The following KIF13A variants were observed in gnomAD, a reference collection of about 807,000 sequenced individuals.
KIF13A encodes the protein kinesin family member 13A.
Under a neutral mutation model 212.2 loss-of-function variants are expected in KIF13A, and 79 were observed. The observed-to-expected ratio is 0.37, with a 90% CI of 0.31 to 0.45. The LOEUF (loss-of-function observed/expected upper bound fraction) is 0.45. KIF13A is among the 20% of genes least tolerant of loss of function. The probability of loss-of-function intolerance (pLI) is 1.00; values close to 1 mark genes in which losing one functional copy is unlikely to be tolerated. For synonymous variants in KIF13A, 789 were observed against 808.6 expected (o/e 0.98, Z 0.41); for missense variants, 1,901 against 2,209.0 (o/e 0.86, Z 2.79).
In KIF13A at chr6:17,787,793, T is replaced by C. The variant is rs2150315577; in HGVS notation, c.3344A>G (p.Lys1115Arg). The C allele has an allele frequency of 6.2e-7, 1 of 1,610,748 alleles. No individual in the cohort carries two copies. Among genetic ancestry groups the C allele is most frequent in the Middle Eastern group, 1.7e-4 (1 of 6,052 alleles). Residue 1115 changes from lysine (K) to arginine (R), a missense_variant, in exon 27 of 39, where the codon AAA becomes AGA. Transcript: ENST00000259711. This position sits in a 1 kb window ranked among gnomAD's most constrained non-coding sequence, Gnocchi z 4.6. ...RREYLDEQIK[K>R]VSNKTEKTED... ...TCACATACCTGTTTTATTGCTGACTTTTTTTATCTGTTCATCCAGGTATTC... is the reference window on the plus strand; with the variant it reads ...TCACATACCTGTTTTATTGCTGACTCTTTTTATCTGTTCATCCAGGTATTC...
chr6:17,781,967 CG>C (rs1459475547), intron 29 of KIF13A, among the ~76,000 whole-genome samples: 2 of 151,958 alleles, frequency 1.3e-5, no homozygotes, highest in East Asian at 3.9e-4. Context: ...GATGGAGTCC[CG>C]CTCTGTAGCC....
At chr6:17,903,386 G>T (rs1773217714) in intron 2 of KIF13A, among the ~76,000 whole-genome samples, 1 of 152,110 alleles carries the variant, frequency 6.6e-6, no homozygotes, top group African/African-American at 2.4e-5. Flanking sequence ...AAACAAAAAG[G>T]TATTTTAAAG....
intron 20 of KIF13A, among the ~76,000 whole-genome samples, chr6:17,802,471 G>A (rs1386167434): frequency 6.6e-6 from 1 of 151,950 alleles, no homozygotes; most frequent in African/African-American, 2.4e-5. Flanking sequence ...TGTATTTTTA[G>A]TAGAGATGGG....
intron 2 of KIF13A, among the ~76,000 whole-genome samples, chr6:17,917,366 G>A (rs890469757): frequency 1.7e-4 from 25 of 149,526 alleles, no homozygotes; most frequent in South Asian, 8.5e-4. Flanking sequence ...TCAACCTCCC[G>A]AGAAGCTGGG....
In KIF13A at chr6:17,883,650, G is replaced by A. The variant is rs1347097123; in HGVS notation, c.160-10213C>T. On this transcript the variant is annotated intron_variant, in intron 3 of 38. Coordinates refer to ENST00000259711, the MANE Select transcript of KIF13A (RefSeq NM_022113.6). The surrounding 1 kb of genome is among the most constrained non-coding windows in gnomAD (Gnocchi z 4.8). ...ACATAAGAAATGACCCTATTCATCT[G>A]TATATTACGTCAATGGTCAGCCAAC... is the stretch of plus-strand genomic sequence containing the variant. Among the ~76,000 whole-genome samples the A allele has an allele frequency of 6.6e-6, 1 of 152,202 alleles. No homozygotes were observed. The highest frequency in any genetic ancestry group is 1.9e-4 in the East Asian group (1 of 5,184).
chr6:17,785,582 T>C lies in KIF13A; in HGVS notation c.3421A>G (p.Thr1141Ala). 6.2e-7 allele frequency: 1 copy of C among 1,604,670 alleles called. No homozygotes were observed. The highest frequency in any genetic ancestry group is 8.5e-7 in the Non-Finnish European group (1 of 1,176,086). The stretch of plus-strand genomic sequence containing the variant: ...ACCAGCACAGCATTCCTTTCCTCAG[T>C]CAGCCCTACCCACTGCTCCACAAGC... Reference protein sequence around the residue: ...AQLVEQWVGLTEERNAVLVPA... With the variant: ...AQLVEQWVGLAEERNAVLVPA... The change falls in exon 28 of 39, where the codon ACT becomes GCT. Residue 1141 changes from threonine (T) to alanine (A), a missense_variant. Physicochemically the swap from Thr to Ala is moderately conservative, Grantham distance 58. Around this residue, in one of 5 missense-constraint regions of KIF13A, gnomAD observed 168 missense variants for 250.9 expected, o/e 0.67. Transcript: ENST00000259711. This position sits in a 1 kb window ranked among gnomAD's most constrained non-coding sequence, Gnocchi z 5.8.
chr6:17,831,003 G>T, intron 13 of KIF13A, 98 bp downstream of exon 13: 1 of 1,142,022 alleles, frequency 8.8e-7, no homozygotes, highest in Non-Finnish European at 1.3e-6. Flanking sequence ...GGCTAAGCTG[G>T]ATACAAAAAG....
intron 2 of KIF13A, among the ~76,000 whole-genome samples, chr6:17,973,005 G>T (rs1779953401): frequency 1.3e-5 from 2 of 152,284 alleles, no homozygotes; most frequent in Admixed American, 1.3e-4. Context: ...GAAAGGGGAA[G>T]AGGGCATAAA....
chr6:17,837,690 G>GC lies in KIF13A; in HGVS notation c.831-108dup. 1.3e-6 allele frequency: 1 copy of GC among 769,566 alleles called. No homozygotes were observed. The highest frequency in any genetic ancestry group is 1.7e-5 in the South Asian group (1 of 57,340). 47.7% of individuals were successfully genotyped at this position (769,566 alleles called of 1,614,324 possible). A position where few individuals can be genotyped will look rare whatever the true frequency, so the allele number is the denominator to read the frequency against. ...CAGTTAATACACGTTGGTGGCTCACGCCCGTAATCCCAGCACTTTGGGAGG... is the reference window on the plus strand; with the variant it reads ...CAGTTAATACACGTTGGTGGCTCACGCCCCGTAATCCCAGCACTTTGGGAGG... On this transcript the variant is annotated intron_variant, in intron 9 of 38. Coordinates refer to ENST00000259711, the MANE Select transcript of KIF13A (RefSeq NM_022113.6). The surrounding 1 kb of genome is among the most constrained non-coding windows in gnomAD (Gnocchi z 5.4).
At chr6:17,790,025 C>T in intron 25 of KIF13A, 115 bp from the exon 26 acceptor site, 1 of 693,072 alleles carries the variant, frequency 1.4e-6, no homozygotes, top group Middle Eastern at 2.6e-4. Context: ...CTAACATAAG[C>T]AAAATAAAAC....
intron 4 of KIF13A, among the ~76,000 whole-genome samples, chr6:17,866,917 C>T (rs971112207): frequency 5.5e-5 from 8 of 145,800 alleles, no homozygotes; most frequent in Non-Finnish European, 9.0e-5. Context: ...AAATTTAACA[C>T]GATTAGCAAA....
rs200354621 is a variant in KIF13A at position 17,764,590 on chromosome 6, C to G, written c.4938G>C (p.Pro1646=). Residue 1646 remains proline (P), a synonymous_variant, in exon 39 of 39, where the codon CCG becomes CCC. Transcript: ENST00000259711. The surrounding 1 kb of genome is among the most constrained non-coding windows in gnomAD (Gnocchi z 5.1). ...STPSLVHDFR[P]SSNKELTEVE... ...CTTCTGTCAACTCTTTGTTTGAGGA[C>G]GGCCTGAAATCATGCACAAGCGATG... 6.2e-7 allele frequency: 1 copy of G among 1,613,788 alleles called. No individual in the cohort carries two copies. The highest frequency in any genetic ancestry group is 1.7e-5 in the Admixed American group (1 of 59,990).
At chr6:17,813,273 G>C (rs190878938) in intron 17 of KIF13A, among the ~76,000 whole-genome samples, 166 of 152,138 alleles carry the variant, frequency 1.1e-3, no homozygotes, top group African/African-American at 3.8e-3. Context: ...TGAGGTCAGG[G>C]GTTCGAGACC....
At chr6:17,924,125 C>A (rs1775304446) in intron 2 of KIF13A, among the ~76,000 whole-genome samples, 1 of 152,122 alleles carries the variant, frequency 6.6e-6, no homozygotes, top group Non-Finnish European at 1.5e-5. Context: ...TTATCAGGAT[C>A]ACTGAATAAA....
At position 17,815,132 on chromosome 6, in the gene KIF13A, C is replaced by T. The variant is rs61630603; in HGVS notation, c.2000+1888G>A. 8.5e-5 allele frequency among the ~76,000 whole-genome samples: 13 copies of T among 152,284 alleles called. No individual in the cohort carries two copies. The South Asian group carries it at 1.9e-3, about 22-fold the overall frequency. On this transcript the variant is annotated intron_variant, in intron 17 of 38. Transcript: ENST00000259711. ...TCCCTTCCCTGTTTGGCAGCCAAGG[C>T]GGAGACAGAGAGAGGACAGCTTACA...
intron 2 of KIF13A, among the ~76,000 whole-genome samples, chr6:17,921,997 C>T (rs1775117065): frequency 6.6e-6 from 1 of 152,174 alleles, no homozygotes. Flanking sequence ...GCATCAAACA[C>T]AATACATTGA....
chr6:17,826,128 G>GGA lies in KIF13A; in HGVS notation c.1533-6_1533-5dup. On this transcript the variant is annotated splice_polypyrimidine_tract_variant and splice_region_variant and intron_variant, in intron 14 of 38. Transcript: ENST00000259711. The surrounding 1 kb of genome is among the most constrained non-coding windows in gnomAD (Gnocchi z 4.7). ...AAGGGTGCCGTTCACACAGGACCTG[G>GGA]GAGAACACGAGGGAAAATACCAGGT... 6.2e-7 allele frequency: 1 copy of GGA among 1,612,646 alleles called. No individual in the cohort carries two copies. Among genetic ancestry groups the GGA allele is most frequent in the Non-Finnish European group, 8.5e-7 (1 of 1,178,814 alleles).
intron 16 of KIF13A, among the ~76,000 whole-genome samples, chr6:17,823,090 G>C (rs1024755779): frequency 1.3e-5 from 2 of 151,040 alleles, no homozygotes; most frequent in Non-Finnish European, 2.9e-5. Context: ...AGGCTGGAGT[G>C]CAATGGCACC....
intron 2 of KIF13A, among the ~76,000 whole-genome samples, chr6:17,922,559 G>A (rs1775166697): frequency 1.3e-5 from 2 of 150,298 alleles, no homozygotes; most frequent in South Asian, 4.2e-4. Flanking sequence ...ACCAAAAAGG[G>A]CAAAACTAAA....
Sources: allele counts gnomAD v4.1 joint callset (sites outside exome capture counted in the v4.1 genomes callset), GRCh38; gene constraint gnomAD v4.1.1; regional missense constraint gnomAD v4.1.1; non-coding constraint Gnocchi (gnomAD v3.1); transcripts MANE v1.5; gene names NCBI Gene and HGNC (gene_info 2026-07-23, HGNC 2026-07-21).